The following GTF2IRD1 variants were observed in gnomAD, a reference collection of about 807,000 sequenced individuals.
GTF2IRD1 encodes general transcription factor II-I repeat domain-containing protein 1.
In GTF2IRD1, 26 loss-of-function variants were observed where a neutral mutation model predicts 113.2. The ratio of observed to expected loss-of-function variants is 0.23; its 90% confidence interval spans 0.17 to 0.32. GTF2IRD1 has a LOEUF of 0.32. Ranked by LOEUF, GTF2IRD1 falls within the 10% of genes least tolerant of loss-of-function variation. The pLI is 1.00. For missense variants in GTF2IRD1, 864 were observed against 1,280.8 expected, an observed-to-expected ratio of 0.67 and a Z score of 4.97; for synonymous variants, 484 against 529.1, an observed-to-expected ratio of 0.91 and a Z score of 1.17.
intron 1 of GTF2IRD1, among the ~76,000 whole-genome samples, chr7:74,466,856 G>A (rs560485153): frequency 7.2e-5 from 11 of 152,204 alleles, no homozygotes; most frequent in African/African-American, 1.9e-4. Flanking sequence ...TGCCTGTTGC[G>A]GAGTGGGCAT....
At chr7:74,535,070 C>G in intron 9 of GTF2IRD1, 43 bp from the exon 10 acceptor site, 2 of 1,594,748 alleles carry the variant, frequency 1.3e-6, no homozygotes, top group East Asian at 4.5e-5. Flanking sequence ...GGAGAGTCCT[C>G]CAGCCTGCAC....
chr7:74,538,587 C>G (rs1282860641), intron 12 of GTF2IRD1, 93 bp from the exon 13 acceptor site: 1 of 845,378 alleles, frequency 1.2e-6, no homozygotes, highest in Non-Finnish European at 2.1e-6. Context: ...GCCTCACTAA[C>G]AAGTTACAGA....
intron 9 of GTF2IRD1, among the ~76,000 whole-genome samples, chr7:74,531,575 G>C (rs1797966163): frequency 6.6e-6 from 1 of 151,924 alleles, no homozygotes; most frequent in African/African-American, 2.4e-5. Flanking sequence ...TGAGTCAGGA[G>C]AGGAGGGCTT....
chr7:74,590,001 C>A, intron 23 of GTF2IRD1, 73 bp downstream of exon 23: 1 of 964,074 alleles, frequency 1.0e-6, no homozygotes, highest in Non-Finnish European at 1.6e-6. Flanking sequence ...CCTCTGCAGC[C>A]AGCCTGGCTT....
intron 22 of GTF2IRD1, among the ~76,000 whole-genome samples, chr7:74,575,161 A>G (rs73366442): frequency 0.088 from 13,388 of 152,102 alleles, 1,318 homozygotes; most frequent in African/African-American, 0.24. Flanking sequence ...TAAACAGAAA[A>G]TCTGCAAAGC....
intron 1 of GTF2IRD1, among the ~76,000 whole-genome samples, chr7:74,478,157 G>A (rs1216335029): frequency 6.6e-6 from 1 of 152,202 alleles, no homozygotes; most frequent in Non-Finnish European, 1.5e-5. Context: ...CCCCTAGCTG[G>A]GTGCCAAGCC....
At chr7:74,557,553 C>A in intron 19 of GTF2IRD1, 86 bp from the exon 20 acceptor site, 1 of 858,234 alleles carries the variant, frequency 1.2e-6, no homozygotes, top group South Asian at 1.6e-5. Flanking sequence ...AGGAGTTCCC[C>A]ATAATTAGAA....
At chr7:74,525,063 C>T (rs9647718) in intron 8 of GTF2IRD1, among the ~76,000 whole-genome samples, 27,115 of 151,632 alleles carry the variant, frequency 0.18, 2,584 homozygotes, top group Middle Eastern at 0.21. Flanking sequence ...AAACAGATTG[C>T]CCATCAGGGG....
chr7:74,548,253 T>TA (rs1414144277), intron 17 of GTF2IRD1, among the ~76,000 whole-genome samples: 18 of 147,834 alleles, frequency 1.2e-4, no homozygotes, highest in South Asian at 8.6e-4. Flanking sequence ...CCGTCTCTAC[T>TA]AAAAAAAAAA....
At chr7:74,458,893 A>C (rs374996310) in intron 1 of GTF2IRD1, among the ~76,000 whole-genome samples, 10 of 150,512 alleles carry the variant, frequency 6.6e-5, no homozygotes, top group African/African-American at 2.5e-4. Flanking sequence ...CCCTGACCTC[A>C]AGTGATTGGC....
At chr7:74,539,722 C>T (rs367642536) in intron 13 of GTF2IRD1, among the ~76,000 whole-genome samples, 157 bp from the exon 14 acceptor site, 2 of 150,734 alleles carry the variant, frequency 1.3e-5, no homozygotes, top group East Asian at 3.9e-4. Flanking sequence ...CCTGCCTGGA[C>T]GACAGAGTGA....
intron 22 of GTF2IRD1, among the ~76,000 whole-genome samples, chr7:74,569,172 G>A (rs1198220853): frequency 6.6e-6 from 1 of 152,220 alleles, no homozygotes; most frequent in African/African-American, 2.4e-5. Context: ...CCCCCTCCCT[G>A]AGGAGCTGGT....
chr7:74,515,173 G>C (rs1284446695), intron 3 of GTF2IRD1, among the ~76,000 whole-genome samples: 5 of 152,064 alleles, frequency 3.3e-5, no homozygotes, highest in Non-Finnish European at 5.9e-5. Context: ...CTCAGAGAGA[G>C]AAGGGACTAA....
rs782464053 is a variant in GTF2IRD1 at position 74,518,370 on chromosome 7, C to T, written c.605+48C>T. The stretch of plus-strand genomic sequence containing the variant: ...GGCTGGGCTGGGGCTGGGCCAGGGC[C>T]GGGTCAGGGCCGGGGGCTGGAGGCC... On this transcript the variant is annotated intron_variant, in intron 5 of 26. Transcript: ENST00000424337. 1.9e-4 allele frequency: 273 copies of T among 1,461,540 alleles called. 1 individual carries two copies. The highest frequency in any genetic ancestry group is 2.3e-4 in the Non-Finnish European group (254 of 1,086,622). 90.5% of individuals were successfully genotyped at this position (1,461,540 alleles called of 1,614,324 possible). A position where few individuals can be genotyped will look rare whatever the true frequency, so the allele number is the denominator to read the frequency against.
In GTF2IRD1 at chr7:74,510,663, C is replaced by G. The variant is rs562938319; in HGVS notation, c.124-2167C>G. Among the ~76,000 whole-genome samples the G allele has an allele frequency of 2.0e-5, 3 of 152,254 alleles. No homozygotes were observed. In the East Asian group the frequency reaches 5.8e-4, roughly 29 times the overall value. ...TAAACAACTCAGTTGTTCAGTTGCA[C>G]CAGCCTCATTTTACGTGCTCAGTAG... is the stretch of plus-strand genomic sequence containing the variant. On this transcript the variant is annotated intron_variant, in intron 2 of 26. Coordinates refer to ENST00000424337, the MANE Select transcript of GTF2IRD1 (RefSeq NM_005685.4).
At chr7:74,583,371 CTT>C (rs1168890388) in intron 22 of GTF2IRD1, among the ~76,000 whole-genome samples, 1,545 of 122,268 alleles carry the variant, frequency 0.013, 14 homozygotes, top group African/African-American at 0.033. Flanking sequence ...CTTTTTTTTT[CTT>C]TTTTTTTTTT....
At chr7:74,516,696 C>G (rs587715617) in intron 4 of GTF2IRD1, among the ~76,000 whole-genome samples, 1 of 152,256 alleles carries the variant, frequency 6.6e-6, no homozygotes, top group Non-Finnish European at 1.5e-5. Flanking sequence ...CACTGGCCAC[C>G]CTGGGATGGG....
At chr7:74,570,662 A>C (rs868949839) in intron 22 of GTF2IRD1, among the ~76,000 whole-genome samples, 30 of 152,304 alleles carry the variant, frequency 2.0e-4, no homozygotes, top group Middle Eastern at 3.4e-3. Context: ...TTTCAAAAAA[A>C]AATTCTAGAA....
intron 4 of GTF2IRD1, among the ~76,000 whole-genome samples, chr7:74,516,718 G>T (rs1408149131): frequency 6.6e-6 from 1 of 152,170 alleles, no homozygotes; most frequent in African/African-American, 2.4e-5. Context: ...GACTTGCCAC[G>T]CATGGTTGGC....
Sources: allele counts gnomAD v4.1 joint callset (sites outside exome capture counted in the v4.1 genomes callset), GRCh38; gene constraint gnomAD v4.1.1; transcripts MANE v1.5; gene names NCBI Gene and HGNC (gene_info 2026-07-23, HGNC 2026-07-21).